The following RELN variants were observed in gnomAD, a reference collection of about 807,000 sequenced individuals.
RELN encodes the protein reelin.
Under a neutral mutation model 427.6 loss-of-function variants are expected in RELN, and 108 were observed. The observed-to-expected ratio is 0.25, with a 90% CI of 0.22 to 0.30. The LOEUF (loss-of-function observed/expected upper bound fraction) is 0.30, where lower values mean the gene tolerates loss of function less well. Among genes scored for constraint, RELN ranks in the 10% least tolerant of loss-of-function variants. RELN has a pLI of 1.00. For synonymous variants in RELN, 1,524 were observed against 1,513.4 expected (o/e 1.01, Z -0.16); for missense variants, 3,715 against 4,302.8 (o/e 0.86, Z 3.82).
At chr7:103,712,349 G>A (rs1316804602) in intron 8 of RELN, among the ~76,000 whole-genome samples, 6 of 152,104 alleles carry the variant, frequency 3.9e-5, no homozygotes, top group Non-Finnish European at 8.8e-5. Context: ...ACAGTATAAA[G>A]AATAGCGTGA....
intron 3 of RELN, among the ~76,000 whole-genome samples, chr7:103,782,181 A>G (rs930902108): frequency 6.6e-6 from 1 of 152,182 alleles, no homozygotes; most frequent in African/African-American, 2.4e-5. Flanking sequence ...CATTATGATC[A>G]TCATATTCAG....
chr7:103,844,427 C>A (rs1031169634), intron 2 of RELN, among the ~76,000 whole-genome samples: 1 of 152,172 alleles, frequency 6.6e-6, no homozygotes, highest in African/African-American at 2.4e-5. Context: ...TCTGGACAAA[C>A]TAATAACAGC....
At position 103,589,691 on chromosome 7, in the gene RELN, G is replaced by T. The variant is rs776622305; in HGVS notation, c.4050C>A (p.Asn1350Lys). The T allele has an allele frequency of 1.9e-6, 3 of 1,613,940 alleles. No individual in the cohort carries two copies. Among genetic ancestry groups the T allele is most frequent in the African/African-American group, 2.7e-5 (2 of 74,902 alleles). ...TGGTGGGCTCACTTAGTTCTCTGGA[G>T]TTTCCTTCGCATCCTTTGCCTGCAG... ...PASAGKGCEGNSRELSEPTMY... is the reference protein window; with the variant it reads ...PASAGKGCEGKSRELSEPTMY... Residue 1350 changes from asparagine to lysine, a missense_variant, in exon 28 of 65, where the codon AAC (asparagine) becomes AAA (lysine). By Grantham distance (94) the Asn-to-Lys change is moderately conservative. Coordinates refer to ENST00000428762, the MANE Select transcript of RELN (RefSeq NM_005045.4).
intron 12 of RELN, 62 bp from the exon 13 acceptor site, chr7:103,654,267 T>C (rs773112847): frequency 1.2e-6 from 1 of 855,764 alleles, no homozygotes; most frequent in East Asian, 2.4e-5. Context: ...ATATCAAATA[T>C]AGTGTTAAAT....
intron 20 of RELN, among the ~76,000 whole-genome samples, chr7:103,617,539 TA>T (rs1038425206): frequency 7.9e-5 from 12 of 152,024 alleles, no homozygotes; most frequent in African/African-American, 2.9e-4. Flanking sequence ...CATATATGTG[TA>T]TATATGTGTA....
At position 103,519,340 on chromosome 7, in the gene RELN, G is replaced by A. The variant is rs1333584318; in HGVS notation, c.7845C>T (p.Asp2615=). Residue 2615 remains aspartate (D), a synonymous_variant, in exon 49 of 65, where the codon GAC becomes GAT. Coordinates refer to ENST00000428762, the MANE Select transcript of RELN (RefSeq NM_005045.4). ...TWNLLMEIFY[D]QYSKPGFVNI... The stretch of plus-strand genomic sequence containing the variant: ...ATACAAACCCGGGCTTACTGTACTG[G>A]TCATAGAAAATCTCCATGAGCAGGT... 6 of 1,613,050 alleles carry A rather than the reference G, an allele frequency of 3.7e-6. No individual in the cohort carries two copies. The South Asian group carries it at 5.5e-5, about 15-fold the overall frequency.
At chr7:103,783,130 C>T (rs187682130) in intron 3 of RELN, among the ~76,000 whole-genome samples, 1 of 150,196 alleles carries the variant, frequency 6.7e-6, no homozygotes, top group African/African-American at 2.4e-5. Context: ...CCCTTTGTAT[C>T]AGCAAATTAC....
intron 20 of RELN, among the ~76,000 whole-genome samples, chr7:103,615,942 A>G (rs144653601): frequency 1.3e-5 from 2 of 152,298 alleles, no homozygotes; most frequent in African/African-American, 4.8e-5. Context: ...GCTCTTTTAT[A>G]TGAAAGGCAG....
At chr7:103,501,188 A>T (rs1281376047) in intron 52 of RELN, among the ~76,000 whole-genome samples, 1 of 152,242 alleles carries the variant, frequency 6.6e-6, no homozygotes, top group African/African-American at 2.4e-5. Context: ...AGAAATAAAT[A>T]GAAATATTTA....
rs143469522 is a variant in RELN, at chr7:103,510,857, T to A, written c.8268A>T (p.Gln2756His). 3.1e-6 allele frequency: 5 copies of A among 1,612,766 alleles called. No homozygotes were observed. The East Asian group carries it at 1.1e-4, about 36-fold the overall frequency. ...DLTPTEGWIM[Q>H]FKISVGCKVS... ...CAAGATCATAACATTTCACCTTGAA[T>A]TGCATAATCCAGCCTTCAGTGGGAG... The change falls in exon 51 of 65, where the codon CAA becomes CAT. Residue 2756 changes from glutamine to histidine, a missense_variant. Coordinates refer to ENST00000428762, the MANE Select transcript of RELN (RefSeq NM_005045.4).
intron 26 of RELN, 106 bp downstream of exon 26, chr7:103,594,215 T>C (rs1831485704): frequency 3.5e-6 from 4 of 1,135,814 alleles, no homozygotes; most frequent in Middle Eastern, 2.2e-4. Context: ...CTTAAACTTA[T>C]ATTATACATT....
chr7:103,482,777 C>A lies in RELN; in HGVS notation c.10280+96G>T, dbSNP rs1473625019. On this transcript the variant is annotated intron_variant, in intron 63 of 64. Coordinates refer to ENST00000428762, the MANE Select transcript of RELN (RefSeq NM_005045.4). Reference sequence around the variant, plus strand: ...AAGTGCTCCTGTGGGGGCTTCTCATCAAAAACGGATCTTACTGAATTAAGG... The same window carrying A: ...AAGTGCTCCTGTGGGGGCTTCTCATAAAAAACGGATCTTACTGAATTAAGG... 5 of 1,592,508 alleles carry A rather than the reference C, an allele frequency of 3.1e-6. No homozygotes were observed. The African/African-American group carries it at 5.4e-5, about 17-fold the overall frequency.
chr7:103,866,880 C>A (rs1794213242), intron 2 of RELN, among the ~76,000 whole-genome samples: 1 of 152,054 alleles, frequency 6.6e-6, no homozygotes, highest in Non-Finnish European at 1.5e-5. Flanking sequence ...CCCTGACATA[C>A]ATACTCTAGA....
At chr7:103,811,770 T>C (rs1792748909) in intron 3 of RELN, among the ~76,000 whole-genome samples, 1 of 152,244 alleles carries the variant, frequency 6.6e-6, no homozygotes, top group South Asian at 2.1e-4. Flanking sequence ...TAATTCCTTA[T>C]GGATTTCCCT....
At chr7:103,637,243 T>C (rs1179230747) in intron 17 of RELN, among the ~76,000 whole-genome samples, 2 of 152,202 alleles carry the variant, frequency 1.3e-5, no homozygotes, top group African/African-American at 4.8e-5. Context: ...CATCAGGAAA[T>C]AGTTTCAAAT....
intron 2 of RELN, among the ~76,000 whole-genome samples, chr7:103,868,881 T>C (rs142722038): frequency 2.0e-5 from 3 of 152,276 alleles, no homozygotes; most frequent in East Asian, 3.9e-4. Flanking sequence ...ATAAAGTTTT[T>C]ATACATATTG....
intron 4 of RELN, among the ~76,000 whole-genome samples, chr7:103,767,633 A>G (rs1353090577): frequency 6.6e-6 from 1 of 152,202 alleles, no homozygotes; most frequent in African/African-American, 2.4e-5. Context: ...CTGCAAAAAA[A>G]ACTGATTTCT....
At position 103,909,710 on chromosome 7, in the gene RELN, AAATATATATT is replaced by A. The variant is rs1367713045; in HGVS notation, c.337+7355_337+7364del. On this transcript the variant is annotated intron_variant, in intron 2 of 64. Transcript: ENST00000428762. ...ATAAATATATATATTTAATATATAT[AAATATATATT>A]AAATATATTTTTTAATATATATAAA... Among the ~76,000 whole-genome samples the A allele has an allele frequency of 2.4e-3, 99 of 41,032 alleles. 5 individuals are homozygous for A. Among genetic ancestry groups the A allele is most frequent in the African/African-American group, 0.011 (92 of 8,220 alleles). 26.9% of individuals were successfully genotyped at this position (41,032 alleles called of 152,430 possible). A position where few individuals can be genotyped will look rare whatever the true frequency, so the allele number is the denominator to read the frequency against.
In RELN at chr7:103,630,180, G is replaced by T; in HGVS notation, c.2466-4C>A. ...TGGTAGTTCTACGGAGATTATTCTA[G>T]AGAAAAAAAAAAAGTCAAAATTTAG... On this transcript the variant is annotated splice_polypyrimidine_tract_variant and splice_region_variant and intron_variant, in intron 19 of 64. Coordinates refer to ENST00000428762, the MANE Select transcript of RELN (RefSeq NM_005045.4). 1 of 1,565,620 alleles carries T rather than the reference G, an allele frequency of 6.4e-7. No individual in the cohort carries two copies. Among genetic ancestry groups the T allele is most frequent in the Non-Finnish European group, 8.7e-7 (1 of 1,147,254 alleles).
Sources: gnomAD v4.1 joint callset for allele counts (sites outside exome capture counted in the v4.1 genomes callset) on GRCh38, gnomAD v4.1.1 for gene constraint, MANE v1.5 for transcripts, NCBI Gene and HGNC (gene_info 2026-07-23, HGNC 2026-07-21) for gene names.